Variants in IL1RAP observed in about 807,000 individuals in gnomAD.
IL1RAP encodes the protein interleukin-1 receptor accessory protein.
Under a neutral mutation model 60.7 loss-of-function variants are expected in IL1RAP, and 35 were observed. The ratio of observed to expected loss-of-function variants is 0.58; its 90% CI spans 0.44 to 0.76. The LOEUF is 0.76. Ranked by LOEUF, IL1RAP falls within the 30% of genes least tolerant of loss-of-function variation. The probability of loss-of-function intolerance (pLI) is 0.00; values close to 1 mark genes in which losing one functional copy is unlikely to be tolerated. For missense variants in IL1RAP, 572 were observed against 693.9 expected, an observed-to-expected ratio of 0.82 and a Z score of 1.97; for synonymous variants, 268 against 250.9, an observed-to-expected ratio of 1.07 and a Z score of -0.64.
intron 5 of IL1RAP, chr3:190,615,249 A>G: frequency 2.9e-6 from 3 of 1,034,484 alleles, no homozygotes; most frequent in Non-Finnish European, 3.9e-6. Context: ...AGAATTTCAA[A>G]CAGCTGGCTT....
intron 11 of IL1RAP, among the ~76,000 whole-genome samples, chr3:190,646,391 A>G (rs1365374884): frequency 6.6e-6 from 1 of 152,126 alleles, no homozygotes; most frequent in African/African-American, 2.4e-5. Flanking sequence ...TTTCAAGCAA[A>G]ATAGTGCTAC....
intron 1 of IL1RAP, among the ~76,000 whole-genome samples, chr3:190,526,627 G>T (rs1722534819): frequency 6.6e-6 from 1 of 152,144 alleles, no homozygotes; most frequent in African/African-American, 2.4e-5. Flanking sequence ...CTATGTTGTT[G>T]GCACAAATGT....
At chr3:190,562,720 A>G (rs1726009941) in intron 2 of IL1RAP, among the ~76,000 whole-genome samples, 1 of 151,568 alleles carries the variant, frequency 6.6e-6, no homozygotes, top group Non-Finnish European at 1.5e-5. Flanking sequence ...ACACACACAC[A>G]CACACACACA....
intron 10 of IL1RAP, among the ~76,000 whole-genome samples, chr3:190,644,896 G>A (rs1052505892): frequency 2.6e-5 from 4 of 152,126 alleles, no homozygotes; most frequent in East Asian, 1.9e-4. Flanking sequence ...CTCGTGACTC[G>A]TGGCTGCTGT....
intron 5 of IL1RAP, among the ~76,000 whole-genome samples, chr3:190,619,135 A>C (rs1338354626): frequency 6.6e-6 from 1 of 152,224 alleles, no homozygotes; most frequent in Non-Finnish European, 1.5e-5. Context: ...TTAAAAGAAA[A>C]ACAAAAGCTT....
chr3:190,654,190 T>TCACACACACACACACACA (rs57074064), downstream of IL1RAP, among the ~76,000 whole-genome samples: 85 of 140,512 alleles, frequency 6.0e-4, no homozygotes, highest in African/African-American at 1.9e-3. Context: ...AAACATCATA[T>TCACACACACACACACACA]CACACACACA....
At chr3:190,638,911 C>T (rs1456884163) in intron 9 of IL1RAP, among the ~76,000 whole-genome samples, 1 of 152,014 alleles carries the variant, frequency 6.6e-6, no homozygotes, top group African/African-American at 2.4e-5. Flanking sequence ...TTTCTTTCAG[C>T]CCTTTAAGGT....
At chr3:190,654,229 C>CACAA (rs932868449), downstream of IL1RAP, among the ~76,000 whole-genome samples, 3 of 150,324 alleles carry the variant, frequency 2.0e-5, no homozygotes, top group South Asian at 4.2e-4. Flanking sequence ...CACACACACA[C>CACAA]AATTTGCATG....
intron 1 of IL1RAP, among the ~76,000 whole-genome samples, chr3:190,532,533 A>G (rs1283733542): frequency 1.3e-5 from 2 of 152,146 alleles, no homozygotes; most frequent in Non-Finnish European, 1.5e-5. Context: ...AAGTGCTGGG[A>G]TAATCATCTT....
At chr3:190,639,095 G>A (rs1395464866) in intron 9 of IL1RAP, among the ~76,000 whole-genome samples, 2 of 152,008 alleles carry the variant, frequency 1.3e-5, no homozygotes, top group African/African-American at 4.8e-5. Flanking sequence ...ATGGCCTGTG[G>A]TGTCCTTTGT....
chr3:190,605,712 C>G (rs1291325122), intron 4 of IL1RAP, among the ~76,000 whole-genome samples: 1 of 152,138 alleles, frequency 6.6e-6, no homozygotes, highest in Non-Finnish European at 1.5e-5. Flanking sequence ...CTCTCCTTGT[C>G]TTTACATGGT....
At chr3:190,604,093 C>A in intron 3 of IL1RAP, 35 bp from the exon 4 acceptor site, 1 of 1,597,206 alleles carries the variant, frequency 6.3e-7, no homozygotes, top group South Asian at 1.1e-5. Context: ...TAAAATGACT[C>A]ATCTGCCCCT....
chr3:190,599,848 TAA>T (rs74901565), intron 3 of IL1RAP, among the ~76,000 whole-genome samples: 6 of 151,302 alleles, frequency 4.0e-5, no homozygotes, highest in Admixed American at 6.6e-5. Context: ...ATTTAACATC[TAA>T]AAAAAAATCT....
At chr3:190,646,295 G>A (rs1038309072) in intron 11 of IL1RAP, among the ~76,000 whole-genome samples, 5 of 152,068 alleles carry the variant, frequency 3.3e-5, no homozygotes, top group African/African-American at 1.2e-4. Context: ...AAGAGTGTGG[G>A]TAGAATTTTT....
At chr3:190,591,029 G>A (rs1043884900) in intron 3 of IL1RAP, among the ~76,000 whole-genome samples, 1 of 152,110 alleles carries the variant, frequency 6.6e-6, no homozygotes, top group African/African-American at 2.4e-5. Context: ...TTTTTAAAAT[G>A]TTGTAAAATC....
At chr3:190,594,613 A>T (rs1164893983) in intron 3 of IL1RAP, among the ~76,000 whole-genome samples, 1 of 152,174 alleles carries the variant, frequency 6.6e-6, no homozygotes, top group Non-Finnish European at 1.5e-5. Flanking sequence ...CATCCAGGTG[A>T]GAGGCAAGCT....
At chr3:190,548,665 C>T (rs1332107952) in intron 1 of IL1RAP, among the ~76,000 whole-genome samples, 3 of 152,138 alleles carry the variant, frequency 2.0e-5, no homozygotes, top group Non-Finnish European at 4.4e-5. Context: ...GTTTCTCAGG[C>T]CTCTAAGACA....
intron 4 of IL1RAP, among the ~76,000 whole-genome samples, chr3:190,604,922 G>A (rs73060198): frequency 3.3e-5 from 5 of 152,154 alleles, no homozygotes; most frequent in African/African-American, 9.6e-5. Flanking sequence ...CTGAAATGTC[G>A]AAAATTACAT....
At chr3:190,644,992 A>G (rs1313435061) in intron 10 of IL1RAP, among the ~76,000 whole-genome samples, 1 of 152,196 alleles carries the variant, frequency 6.6e-6, no homozygotes, top group Non-Finnish European at 1.5e-5. Flanking sequence ...TTATTAGAAG[A>G]AGAATCTTAG....
Sources: gnomAD v4.1 joint callset for allele counts (sites outside exome capture counted in the v4.1 genomes callset) on GRCh38, gnomAD v4.1.1 for gene constraint, MANE v1.5 for transcripts, NCBI Gene and HGNC (gene_info 2026-07-23, HGNC 2026-07-21) for gene names.